Variants in SNAP29 observed in about 807,000 individuals in gnomAD.
The protein encoded by SNAP29 is synaptosome associated protein 29.
SNAP29 carries 13 observed loss-of-function variants against 27.9 expected under a neutral mutation model. The ratio of observed to expected loss-of-function variants is 0.47; its 90% CI spans 0.30 to 0.74. SNAP29 has a LOEUF of 0.74. Among genes scored for constraint, SNAP29 ranks in the 30% least tolerant of loss-of-function variants. The pLI is 0.06. For synonymous variants in SNAP29, 119 were observed against 127.1 expected (o/e 0.94, Z 0.43); for missense variants, 368 against 336.5 (o/e 1.09, Z -0.73).
At chr22:20,872,546 G>A (rs1393475587) in intron 2 of SNAP29, among the ~76,000 whole-genome samples, 7 of 151,706 alleles carry the variant, frequency 4.6e-5, no homozygotes, top group Admixed American at 1.3e-4. Flanking sequence ...GACTACAGGC[G>A]CCTGCCACCA....
At chr22:20,859,873 G>C (rs1268370022) in intron 1 of SNAP29, among the ~76,000 whole-genome samples, 1 of 152,130 alleles carries the variant, frequency 6.6e-6, no homozygotes, top group Non-Finnish European at 1.5e-5. Flanking sequence ...AACCAATAGA[G>C]GTATTGAAGT....
In SNAP29 at chr22:20,891,166, C is replaced by T. The variant is rs1412259659; in HGVS notation, c.*3330C>T. The T allele has an allele frequency of 1.3e-5, 2 of 152,048 alleles. No homozygotes were observed. The highest frequency in any genetic ancestry group is 2.4e-5 in the African/African-American group (1 of 41,388). The allele number at this position is 152,048 out of a possible 1,614,324, so 9.4% of individuals were successfully genotyped here. A position where few individuals can be genotyped will look rare whatever the true frequency, so the allele number is the denominator to read the frequency against. ...TTTTTGCATTCTGTAGGAAATGAAA[C>T]GTGAATTTAACTCGGGTTGCAAGAA... On this transcript the variant is annotated 3_prime_UTR_variant, in exon 5 of 5. Coordinates refer to ENST00000215730, the MANE Select transcript of SNAP29 (RefSeq NM_004782.4).
rs542200921 is a variant in SNAP29, at chr22:20,861,658, C to T, written c.237+2311C>T. ...TTTTTGGTGTTTTTTGTTTTTGAGA[C>T]GGAGTCTTGCTCTGTCTCCCAGGCT... On this transcript the variant is annotated intron_variant, in intron 1 of 4. Transcript: ENST00000215730. Among the ~76,000 whole-genome samples the T allele has an allele frequency of 1.1e-4, 17 of 151,992 alleles. No individual in the cohort carries two copies. The East Asian group carries it at 2.9e-3, about 26-fold the overall frequency.
intron 1 of SNAP29, among the ~76,000 whole-genome samples, chr22:20,860,194 T>TAA (rs397721475): frequency 0.064 from 8,910 of 138,874 alleles, 937 homozygotes; most frequent in African/African-American, 0.22. Context: ...CCACTAAAAT[T>TAA]AAAAAAAAAA....
chr22:20,872,470 G>A (rs901369913), intron 2 of SNAP29, among the ~76,000 whole-genome samples: 4 of 151,038 alleles, frequency 2.6e-5, no homozygotes, highest in Non-Finnish European at 5.9e-5. Context: ...GTGCGATCTC[G>A]GCTCACTGCA....
Position 20,872,202 on chromosome 22 carries a change from A to ATC in SNAP29, c.434+1683_434+1684dup, listed in dbSNP as rs1019783088. Among the ~76,000 whole-genome samples the ATC allele has an allele frequency of 4.0e-5, 6 of 151,064 alleles. No homozygotes were observed. The South Asian group carries it at 6.2e-4, about 16-fold the overall frequency. On this transcript the variant is annotated intron_variant, in intron 2 of 4. Coordinates refer to ENST00000215730, the MANE Select transcript of SNAP29 (RefSeq NM_004782.4). ...ATGTGATAACTCAGGTTCCATAACC[A>ATC]TCTCTCTCTCTCTCTTTTATTTATT...
intron 3 of SNAP29, 39 bp downstream of exon 3, chr22:20,881,173 TG>T (rs1569120076): frequency 1.4e-6 from 2 of 1,389,196 alleles, no homozygotes; most frequent in Non-Finnish European, 2.0e-6. Context: ...ATTTGAATTC[TG>T]GGGGGAGACC....
chr22:20,883,412 A>C (rs762121515), intron 3 of SNAP29, 59 bp from the exon 4 acceptor site: 18 of 1,118,498 alleles, frequency 1.6e-5, no homozygotes, highest in Non-Finnish European at 2.5e-5. Flanking sequence ...TGGGTGTGTG[A>C]AGCAGCATTT....
intron 1 of SNAP29, among the ~76,000 whole-genome samples, chr22:20,863,279 A>G (rs1018367548): frequency 6.7e-6 from 1 of 150,360 alleles, no homozygotes; most frequent in Non-Finnish European, 1.5e-5. Flanking sequence ...CTTCCAGCAA[A>G]TTCCAGCATA....
rs57777895 is a variant in SNAP29 at position 20,879,495 on chromosome 22, C to T, written c.435-1554C>T. Among the ~76,000 whole-genome samples the T allele has an allele frequency of 2.1e-4, 30 of 144,750 alleles. No individual in the cohort carries two copies. In the East Asian group the frequency reaches 2.9e-3, roughly 14 times the overall value. The allele number at this position is 144,750 out of a possible 152,430, so 95.0% of individuals were successfully genotyped here. A position where few individuals can be genotyped will look rare whatever the true frequency, so the allele number is the denominator to read the frequency against. On this transcript the variant is annotated intron_variant, in intron 2 of 4. Coordinates refer to ENST00000215730, the MANE Select transcript of SNAP29 (RefSeq NM_004782.4). ...TGGAGGTTGCAGTAAATCGAGATCA[C>T]GCCACTGCACTCCAGCCTGGGCAAC...
intron 2 of SNAP29, among the ~76,000 whole-genome samples, chr22:20,877,270 A>T (rs1928769684): frequency 6.6e-6 from 1 of 151,722 alleles, no homozygotes; most frequent in South Asian, 2.1e-4. Flanking sequence ...AAAATACAAA[A>T]ATCAGGCCTG....
intron 2 of SNAP29, among the ~76,000 whole-genome samples, chr22:20,872,417 T>A (rs935692112): frequency 1.3e-5 from 2 of 152,072 alleles, no homozygotes; most frequent in South Asian, 2.1e-4. Flanking sequence ...TTCTTTTTTT[T>A]TGAGACGGAG....
intron 2 of SNAP29, 83 bp downstream of exon 2, chr22:20,870,616 G>C (rs111925818): frequency 7.9e-7 from 1 of 1,272,314 alleles, no homozygotes; most frequent in Non-Finnish European, 1.1e-6. Context: ...GTCCACGTCA[G>C]TGCCATGAAG....
In SNAP29 at chr22:20,870,635, C is replaced by A. The variant is rs1928569721; in HGVS notation, c.434+102C>A. The A allele has an allele frequency of 3.7e-6, 4 of 1,078,012 alleles. No homozygotes were observed. The East Asian group carries it at 7.7e-5, about 21-fold the overall frequency. 66.8% of individuals were successfully genotyped at this position (1,078,012 alleles called of 1,614,324 possible). The stretch of plus-strand genomic sequence containing the variant: ...ACGTCAGTGCCATGAAGGGATCCAA[C>A]AACCCTTTAAGTTACTCATCAGGGG... On this transcript the variant is annotated intron_variant, in intron 2 of 4. Transcript: ENST00000215730.
rs898610917 is a variant in SNAP29 at position 20,888,233 on chromosome 22, C to T, written c.*397C>T. On this transcript the variant is annotated 3_prime_UTR_variant, in exon 5 of 5. Transcript: ENST00000215730. ...CTCATTCCTAAGCCTTACCATGAGT[C>T]AGAGTGTTAAGGGGGCCTGTGAACC... The T allele has an allele frequency of 7.4e-5, 24 of 322,770 alleles. 1 individual carries two copies. The highest frequency in any genetic ancestry group is 6.1e-4 in the South Asian group (23 of 37,542). 20.0% of individuals were successfully genotyped at this position (322,770 alleles called of 1,614,324 possible).
At chr22:20,861,545 C>T (rs766663893) in intron 1 of SNAP29, among the ~76,000 whole-genome samples, 1 of 152,196 alleles carries the variant, frequency 6.6e-6, no homozygotes, top group Non-Finnish European at 1.5e-5. Flanking sequence ...TCAAATGATT[C>T]TCCTGCCTCA....
Position 20,889,229 on chromosome 22 carries a change from GC to G in SNAP29, c.*1395del, listed in dbSNP as rs1188884798. ...CCAGTACTTCCCTTTACAGTCTGCA[GC>G]CTATAAACAGTGGTGTCTCAAAGCA... On this transcript the variant is annotated 3_prime_UTR_variant, in exon 5 of 5. Transcript: ENST00000215730. 1.1e-4 allele frequency: 16 copies of G among 152,210 alleles called. No homozygotes were observed. Among genetic ancestry groups the G allele is most frequent in the Admixed American group, 1.0e-3 (16 of 15,268 alleles). The allele number at this position is 152,210 out of a possible 1,614,324, so 9.4% of individuals were successfully genotyped here.
intron 4 of SNAP29, among the ~76,000 whole-genome samples, chr22:20,885,003 G>A (rs867636342): frequency 2.0e-5 from 3 of 152,118 alleles, no homozygotes; most frequent in East Asian, 1.9e-4. Flanking sequence ...TCGAACTCCC[G>A]ACCTCAGGTG....
chr22:20,869,735 A>G (rs73162849), intron 1 of SNAP29, among the ~76,000 whole-genome samples: 3,764 of 152,244 alleles, frequency 0.025, 52 homozygotes, highest in Non-Finnish European at 0.041. Context: ...AGTTCAGGCC[A>G]TAGACTCTGA....
Sources: allele counts gnomAD v4.1 joint callset (sites outside exome capture counted in the v4.1 genomes callset), GRCh38; gene constraint gnomAD v4.1.1; transcripts MANE v1.5; gene names NCBI Gene and HGNC (gene_info 2026-07-23, HGNC 2026-07-21).